Variants in PRRC2B observed in about 807,000 individuals in gnomAD.
PRRC2B encodes proline rich coiled-coil 2B.
In PRRC2B, 68 loss-of-function variants were observed where a neutral mutation model predicts 242.3. The observed-to-expected ratio is 0.28, with a 90% CI of 0.23 to 0.34. PRRC2B has a LOEUF of 0.34. Ranked by LOEUF, PRRC2B falls within the 10% of genes least tolerant of loss-of-function variation. PRRC2B has a pLI of 1.00. For missense variants in PRRC2B, 2,835 were observed against 2,954.8 expected, an observed-to-expected ratio of 0.96 and a Z score of 0.94; for synonymous variants, 1,228 against 1,173.6, an observed-to-expected ratio of 1.05 and a Z score of -0.95.
intron 1 of PRRC2B, among the ~76,000 whole-genome samples, chr9:131,377,983 TG>T (rs1278130471): frequency 6.6e-6 from 1 of 152,126 alleles, no homozygotes; most frequent in Non-Finnish European, 1.5e-5. Flanking sequence ...CTTGAACCCC[TG>T]GGCCCAAGCG....
At chr9:131,478,021 C>CG in intron 17 of PRRC2B, 72 bp downstream of exon 17, 1 of 1,403,252 alleles carries the variant, frequency 7.1e-7, no homozygotes, top group South Asian at 1.2e-5. Context: ...TCGGGCCTCC[C>CG]GAGTTTGCCC....
intron 1 of PRRC2B, among the ~76,000 whole-genome samples, chr9:131,419,918 C>T (rs181708476): frequency 0.026 from 3,897 of 151,142 alleles, 160 homozygotes; most frequent in African/African-American, 0.091. Flanking sequence ...AGGTGCTCCC[C>T]GTGGTCTGTG....
At chr9:131,433,042 A>G (rs574124522) in intron 3 of PRRC2B, among the ~76,000 whole-genome samples, 2 of 152,302 alleles carry the variant, frequency 1.3e-5, no homozygotes, top group Admixed American at 1.3e-4. Context: ...TCTGTGGACA[A>G]CCTTGTCCCC....
chr9:131,411,010 C>T (rs1837493011), intron 1 of PRRC2B, among the ~76,000 whole-genome samples: 1 of 152,148 alleles, frequency 6.6e-6, no homozygotes. Context: ...AATCCCAGCA[C>T]TCTGGGAGGC....
In PRRC2B at chr9:131,492,263, A is replaced by G; in HGVS notation, c.6473+3A>G. 1 of 1,611,918 alleles carries G rather than the reference A, an allele frequency of 6.2e-7. No individual in the cohort carries two copies. Among genetic ancestry groups the G allele is most frequent in the Non-Finnish European group, 8.5e-7 (1 of 1,178,098 alleles). ...GTGCCATCGCCACAGACCTACAGGTAAAGCCACTCCCTGGGGACTGCGTGC... is the reference window on the plus strand; with the variant it reads ...GTGCCATCGCCACAGACCTACAGGTGAAGCCACTCCCTGGGGACTGCGTGC... On this transcript the variant is annotated splice_donor_region_variant and intron_variant, in intron 30 of 31. Transcript: ENST00000683519.
At chr9:131,457,866 C>T (rs570372596) in intron 10 of PRRC2B, among the ~76,000 whole-genome samples, 1 of 152,204 alleles carries the variant, frequency 6.6e-6, no homozygotes, top group East Asian at 1.9e-4. Context: ...TGTAATTTTC[C>T]CCTCTGTAAT....
chr9:131,484,596 T>C lies in PRRC2B; in HGVS notation c.5461-90T>C, dbSNP rs1943962286. 8 of 1,028,208 alleles carry C rather than the reference T, an allele frequency of 7.8e-6. No individual in the cohort carries two copies. The Admixed American group carries it at 1.6e-4, about 21-fold the overall frequency. 63.7% of individuals were successfully genotyped at this position (1,028,208 alleles called of 1,614,324 possible). ...GTCATAGATACATTTGGACGAGCCT[T>C]GAGTGTGTTCAGGAGAGCCATGGAT... On this transcript the variant is annotated intron_variant, in intron 23 of 31. Coordinates refer to ENST00000683519, the MANE Select transcript of PRRC2B (RefSeq NM_013318.4).
At chr9:131,448,561 A>ACAAAAAAAAAAAAAC (rs71372733) in intron 9 of PRRC2B, among the ~76,000 whole-genome samples, 1 of 142,870 alleles carries the variant, frequency 7.0e-6, no homozygotes, top group Non-Finnish European at 1.5e-5. Context: ...AAAAAAAAAA[A>ACAAAAAAAAAAAAAC]AAAAAAAAAG....
intron 3 of PRRC2B, among the ~76,000 whole-genome samples, chr9:131,435,460 C>T (rs1433792198): frequency 6.6e-6 from 1 of 151,826 alleles, no homozygotes; most frequent in Non-Finnish European, 1.5e-5. Context: ...GCTAAAAATA[C>T]AAAAATTAGC....
At chr9:131,375,322 C>T (rs1836670255) in intron 1 of PRRC2B, among the ~76,000 whole-genome samples, 1 of 151,974 alleles carries the variant, frequency 6.6e-6, no homozygotes, top group African/African-American at 2.4e-5. Context: ...TTGCTTGAAT[C>T]CGGGAGGCGG....
rs1193571032 is a variant in PRRC2B, at chr9:131,487,410, G to A, written c.5984+116G>A. 6.1e-6 allele frequency: 5 copies of A among 823,708 alleles called. No individual in the cohort carries two copies. Among genetic ancestry groups the A allele is most frequent in the Admixed American group, 3.0e-5 (1 of 32,866 alleles). The allele number at this position is 823,708 out of a possible 1,614,324, so 51.0% of individuals were successfully genotyped here. On this transcript the variant is annotated intron_variant, in intron 27 of 31. Transcript: ENST00000683519. This position sits in a 1 kb window ranked among gnomAD's most constrained non-coding sequence, Gnocchi z 5.3. ...TGTCTGCTTTGGGGCCAGTGGGGCGGGGAGGGGTGGGAGTTTGCTCTGAAT... is the reference window on the plus strand; with the variant it reads ...TGTCTGCTTTGGGGCCAGTGGGGCGAGGAGGGGTGGGAGTTTGCTCTGAAT...
At chr9:131,409,436 G>A (rs568575826) in intron 1 of PRRC2B, among the ~76,000 whole-genome samples, 54 of 152,296 alleles carry the variant, frequency 3.5e-4, no homozygotes, top group Admixed American at 1.1e-3. Context: ...TGCCCATCTC[G>A]GCCTCCCAAA....
intron 28 of PRRC2B, among the ~76,000 whole-genome samples, chr9:131,490,227 C>A (rs558181367): frequency 1.9e-4 from 29 of 150,522 alleles, no homozygotes; most frequent in African/African-American, 6.6e-4. Context: ...CCTGCTCCCC[C>A]TCACCTCACC....
chr9:131,434,790 G>A (rs981216589), intron 3 of PRRC2B, among the ~76,000 whole-genome samples: 14 of 152,110 alleles, frequency 9.2e-5, no homozygotes, highest in African/African-American at 3.1e-4. Flanking sequence ...TACTGTGACC[G>A]GAGCGCTGAG....
chr9:131,453,109 C>T (rs886113125), intron 9 of PRRC2B, among the ~76,000 whole-genome samples: 1 of 152,202 alleles, frequency 6.6e-6, no homozygotes, highest in Non-Finnish European at 1.5e-5. Flanking sequence ...TGCTATTAGG[C>T]ATACACACAT....
chr9:131,463,069 G>C (rs1482595929), intron 11 of PRRC2B, among the ~76,000 whole-genome samples: 1 of 152,094 alleles, frequency 6.6e-6, no homozygotes, highest in Non-Finnish European at 1.5e-5. Flanking sequence ...GATAAAGGCA[G>C]ATAGGCAGAT....
intron 10 of PRRC2B, among the ~76,000 whole-genome samples, chr9:131,455,675 C>T (rs1219524850): frequency 6.6e-6 from 1 of 151,906 alleles, no homozygotes; most frequent in East Asian, 1.9e-4. Context: ...GCCAGCATAC[C>T]CAGCTAATTT....
In PRRC2B at chr9:131,420,499, T is replaced by TCTTTC. The variant is rs889470295; in HGVS notation, c.-51-9595_-51-9594insCTTTC. On this transcript the variant is annotated intron_variant, in intron 1 of 31. Transcript: ENST00000683519. Reference sequence around the variant, plus strand: ...TTTCTTTCTTTCTTTCTTTCTTTTTTTTTTTTTTTTTGAGATGGAGGCTCC... The same window carrying TCTTTC: ...TTTCTTTCTTTCTTTCTTTCTTTTTTCTTTCTTTTTTTTTTTGAGATGGAGGCTCC... 1.8e-3 allele frequency among the ~76,000 whole-genome samples: 155 copies of TCTTTC among 84,448 alleles called. 2 individuals are homozygous for TCTTTC. The highest frequency in any genetic ancestry group is 2.0e-3 in the Non-Finnish European group (80 of 39,226). The allele number at this position is 84,448 out of a possible 152,430, so 55.4% of individuals were successfully genotyped here. A position where few individuals can be genotyped will look rare whatever the true frequency, so the allele number is the denominator to read the frequency against.
intron 1 of PRRC2B, among the ~76,000 whole-genome samples, chr9:131,421,389 C>T (rs1837835589): frequency 6.6e-6 from 1 of 152,176 alleles, no homozygotes. Flanking sequence ...CCCTGGATTT[C>T]GTGGTGATGG....
Sources: gnomAD v4.1 joint callset for allele counts (sites outside exome capture counted in the v4.1 genomes callset) on GRCh38, gnomAD v4.1.1 for gene constraint, Gnocchi (gnomAD v3.1) non-coding constraint, MANE v1.5 for transcripts, NCBI Gene and HGNC (gene_info 2026-07-23, HGNC 2026-07-21) for gene names.